Variants in ATG4A observed in about 807,000 individuals in gnomAD.
ATG4A encodes the protein autophagy related 4A cysteine peptidase.
ATG4A carries 22 observed loss-of-function variants against 38.4 expected under a neutral mutation model. That is an observed-to-expected ratio of 0.57 (90% CI 0.41 to 0.82). The LOEUF (loss-of-function observed/expected upper bound fraction) is 0.82. Ranked by LOEUF, ATG4A falls within the 40% of genes least tolerant of loss-of-function variation. The probability of loss-of-function intolerance (pLI) is 0.00; values close to 1 mark genes in which losing one functional copy is unlikely to be tolerated. For synonymous variants in ATG4A, 86 were observed against 100.7 expected (o/e 0.85, Z 0.88); for missense variants, 220 against 290.0 (o/e 0.76, Z 1.75).
intron 1 of ATG4A, among the ~76,000 whole-genome samples, chrX:108,122,410 A>G (rs1313800773): frequency 8.9e-6 from 1 of 111,949 alleles, no homozygotes; most frequent in Non-Finnish European, 1.9e-5. Context: ...GCAGCAATCC[A>G]GGGAACATTT....
At position 108,150,660 on chromosome X, in the gene ATG4A, G is replaced by A. The variant is rs747109837; in HGVS notation, c.960+363G>A. On this transcript the variant is annotated intron_variant, in intron 10 of 12. Coordinates refer to ENST00000372232, the MANE Select transcript of ATG4A (RefSeq NM_052936.5). ...AAAGGGATGTCTTACATGGTGGCAG[G>A]CAAGAGAGCTTATGCAGGGGAACTC... Among the ~76,000 whole-genome samples, 12 of 112,840 alleles carry A rather than the reference G, an allele frequency of 1.1e-4. No homozygotes were observed. The South Asian group carries it at 4.5e-3, about 42-fold the overall frequency.
upstream of ATG4A, among the ~76,000 whole-genome samples, chrX:108,091,191 C>A (rs1343287579): frequency 1.8e-5 from 2 of 113,447 alleles, no homozygotes; most frequent in Non-Finnish European, 3.7e-5. Flanking sequence ...AATCAGGGAG[C>A]GGAGCTCCGG....
At chrX:108,151,451 G>C (rs1386756824) in intron 10 of ATG4A, among the ~76,000 whole-genome samples, 3 of 112,152 alleles carry the variant, frequency 2.7e-5, no homozygotes, top group African/African-American at 9.7e-5. Context: ...TTTGGCTTTT[G>C]TTTGTTGGCT....
chrX:108,138,674 C>T (rs1008097108), intron 9 of ATG4A, among the ~76,000 whole-genome samples: 14 of 111,789 alleles, frequency 1.3e-4, no homozygotes, highest in African/African-American at 4.6e-4. Context: ...AATGTGGACC[C>T]GAGCAAGCAA....
rs182104159 is a variant in ATG4A, at chrX:108,153,186, A to C, written c.1126+99A>C. On this transcript the variant is annotated intron_variant, in intron 12 of 12. Transcript: ENST00000372232. ...GGCCCATGCTTTCTGTGGACAGTAA[A>C]ATTTCTACTCAGCTGGAGTGATAAA... 44 of 606,528 alleles carry C rather than the reference A, an allele frequency of 7.3e-5. No homozygotes were observed. The African/African-American group carries it at 8.7e-4, about 12-fold the overall frequency. 50.0% of individuals were successfully genotyped at this position (606,528 alleles called of 1,213,427 possible).
intron 1 of ATG4A, among the ~76,000 whole-genome samples, chrX:108,096,073 T>C (rs758484007): frequency 8.0e-5 from 9 of 112,319 alleles, no homozygotes; most frequent in Non-Finnish European, 1.7e-4. Flanking sequence ...GGCATTCTAG[T>C]GGGTATAAAG....
intron 1 of ATG4A, among the ~76,000 whole-genome samples, chrX:108,113,000 G>A (rs1422038082): frequency 9.0e-6 from 1 of 110,998 alleles, no homozygotes; most frequent in Non-Finnish European, 1.9e-5. Flanking sequence ...CTGTAGGCTT[G>A]TAGTCGATCA....
intron 8 of ATG4A, 56 bp from the exon 9 acceptor site, chrX:108,138,057 T>C: frequency 8.3e-7 from 1 of 1,198,225 alleles, no homozygotes; most frequent in East Asian, 3.0e-5. Context: ...AGCACAGAGA[T>C]CCGTGAGCAG....
upstream of ATG4A, chrX:108,091,277 G>C (rs181605388): frequency 8.7e-6 from 5 of 575,589 alleles, no homozygotes; most frequent in Non-Finnish European, 1.5e-5. Flanking sequence ...GACCCAGGGG[G>C]ACTGCTTGGG....
chrX:108,153,909 G>A lies in ATG4A; in HGVS notation c.*197G>A, dbSNP rs1296881785. The A allele has an allele frequency of 1.7e-5, 6 of 363,552 alleles. No individual in the cohort carries two copies. The highest frequency in any genetic ancestry group is 7.8e-5 in the African/African-American group (3 of 38,420). 30.0% of individuals were successfully genotyped at this position (363,552 alleles called of 1,213,427 possible). A position where few individuals can be genotyped will look rare whatever the true frequency, so the allele number is the denominator to read the frequency against. On this transcript the variant is annotated 3_prime_UTR_variant, in exon 13 of 13. Transcript: ENST00000372232. ...AAACAAATGACAGTAACCCTTCCCC[G>A]GAAAGAAATAGAACAATCATGGAGC...
Position 108,141,058 on chromosome X carries a change from GTGTATATATATACATATATA to G in ATG4A, c.814+2869_814+2888del, listed in dbSNP as rs1223346248. Among the ~76,000 whole-genome samples the G allele has an allele frequency of 4.9e-4, 15 of 30,572 alleles. 1 individual carries two copies. Among genetic ancestry groups the G allele is most frequent in the South Asian group, 1.7e-3 (1 of 588 alleles). The allele number at this position is 30,572 out of a possible 115,157, so 26.5% of individuals were successfully genotyped here. ...TATATACATATATATACATATATAC[GTGTATATATATACATATATA>G]TATATATATATATATATATATATAT... On this transcript the variant is annotated intron_variant, in intron 9 of 12. Coordinates refer to ENST00000372232, the MANE Select transcript of ATG4A (RefSeq NM_052936.5).
chrX:108,110,372 G>GA (rs371292583), intron 1 of ATG4A, among the ~76,000 whole-genome samples: 135 of 91,705 alleles, frequency 1.5e-3, no homozygotes, highest in Non-Finnish European at 1.5e-3. Flanking sequence ...CCTGTCTCAA[G>GA]AAAAAAAAAA....
rs146979084 is a variant in ATG4A at position 108,131,267 on chromosome X, G to T, written c.201G>T (p.Thr67=). ...YRRKFSPIGG[T]GPSSDAGWGC... is the part of the protein sequence containing the mutation. The stretch of plus-strand genomic sequence containing the variant: ...CTTCCATTTTGCCAACAGGTGGAAC[G>T]GGCCCTTCATCAGATGCTGGTTGGG... The change falls in exon 4 of 13, where the codon ACG becomes ACT. Residue 67 remains threonine (T), a synonymous_variant. Coordinates refer to ENST00000372232, the MANE Select transcript of ATG4A (RefSeq NM_052936.5). 824 of 1,209,479 alleles carry T rather than the reference G, an allele frequency of 6.8e-4. 4 individuals carry two copies. In the African/African-American group the frequency reaches 0.013, roughly 18 times the overall value.
At chrX:108,142,321 G>A (rs931653918) in intron 9 of ATG4A, among the ~76,000 whole-genome samples, 5 of 110,831 alleles carry the variant, frequency 4.5e-5, no homozygotes, top group Admixed American at 9.6e-5. Flanking sequence ...GATGGGGATC[G>A]CTTCCAAGCA....
chrX:108,111,101 C>A (rs771582301), intron 1 of ATG4A, among the ~76,000 whole-genome samples: 1 of 111,199 alleles, frequency 9.0e-6, no homozygotes, highest in African/African-American at 3.3e-5. Flanking sequence ...ACAGGGTCTC[C>A]CTATGTTGCC....
chrX:108,138,191 G>A lies in ATG4A; in HGVS notation c.814G>A (p.Gly272Ser). The A allele has an allele frequency of 8.3e-7, 1 of 1,205,882 alleles. No individual in the cohort carries two copies. Among genetic ancestry groups the A allele is most frequent in the Non-Finnish European group, 1.1e-6 (1 of 890,233 alleles). ...CGCGTATTATTTCATAGGATTCTTAGGTAAGAAAGGAGGAATCACAAGTAA... is the reference window on the plus strand; with the variant it reads ...CGCGTATTATTTCATAGGATTCTTAAGTAAGAAAGGAGGAATCACAAGTAA... Reference protein sequence around the residue: ...NNAYYFIGFLGDELIFLDPHT... With the variant: ...NNAYYFIGFLSDELIFLDPHT... Residue 272 changes from glycine (G) to serine (S), a missense_variant and splice_region_variant, in exon 9 of 13, where the codon GGT becomes AGT. Gly to Ser is a moderately conservative substitution (Grantham distance 56, BLOSUM62 0). This residue lies in a region of ATG4A where 159 missense variants were observed against 188.9 expected (regional missense o/e 0.84). Coordinates refer to ENST00000372232, the MANE Select transcript of ATG4A (RefSeq NM_052936.5).
intron 1 of ATG4A, among the ~76,000 whole-genome samples, chrX:108,124,073 C>T (rs1475619387): frequency 1.8e-5 from 2 of 112,066 alleles, no homozygotes; most frequent in African/African-American, 6.5e-5. Context: ...TTTCTTCTGC[C>T]TGTGAGGGGT....
chrX:108,143,746 A>C (rs1297102520), intron 9 of ATG4A: 1 of 231,202 alleles, frequency 4.3e-6, no homozygotes, highest in Non-Finnish European at 8.1e-6. Context: ...ACAGGAAGCA[A>C]AAATTTTGCT....
At chrX:108,142,002 G>A (rs1440250896) in intron 9 of ATG4A, among the ~76,000 whole-genome samples, 1 of 111,153 alleles carries the variant, frequency 9.0e-6, no homozygotes, top group East Asian at 2.8e-4. Flanking sequence ...ATACTATGTG[G>A]CCATAAAAAG....
Sources: allele counts gnomAD v4.1 joint callset (sites outside exome capture counted in the v4.1 genomes callset), GRCh38; gene constraint gnomAD v4.1.1; regional missense constraint gnomAD v4.1.1; transcripts MANE v1.5; gene names NCBI Gene and HGNC (gene_info 2026-07-23, HGNC 2026-07-21).